CACNA1H: variants seen among roughly 807,000 people sequenced by gnomAD.
The protein encoded by CACNA1H is calcium voltage-gated channel subunit alpha1 H.
CACNA1H carries 149 observed loss-of-function variants against 192.5 expected under a neutral mutation model. The ratio of observed to expected loss-of-function variants is 0.77; its 90% CI spans 0.68 to 0.89. CACNA1H has a LOEUF of 0.89. Ranked by LOEUF, CACNA1H falls within the 40% of genes least tolerant of loss-of-function variation. The pLI is 0.00. For missense variants in CACNA1H, 4,257 were observed against 3,423.5 expected, an observed-to-expected ratio of 1.24 and a Z score of -6.08; for synonymous variants, 2,202 against 1,475.2, an observed-to-expected ratio of 1.49 and a Z score of -11.29.
rs1965316629 is a variant in CACNA1H, at chr16:1,180,083, G to T, written c.300-14889G>T. On this transcript the variant is annotated intron_variant, in intron 2 of 34. Transcript: ENST00000348261. This position sits in a 1 kb window ranked among gnomAD's most constrained non-coding sequence, Gnocchi z 4.4. Reference sequence around the variant, plus strand: ...CTGGTTGCCGGGTGATACTGAGGGGGCCGGGCTCTGCAGGCACAGGGCTGA... The same window carrying T: ...CTGGTTGCCGGGTGATACTGAGGGGTCCGGGCTCTGCAGGCACAGGGCTGA... Among the ~76,000 whole-genome samples the T allele has an allele frequency of 6.6e-6, 1 of 152,216 alleles. No individual in the cohort carries two copies. The highest frequency in any genetic ancestry group is 1.5e-5 in the Non-Finnish European group (1 of 68,044).
chr16:1,218,631 A>C lies in CACNA1H; in HGVS notation c.5867A>C (p.Tyr1956Ser). Residue 1956 changes from tyrosine (Y) to serine (S), a missense_variant, in exon 33 of 35, where the codon TAT becomes TCT. Coordinates refer to ENST00000348261, the MANE Select transcript of CACNA1H (RefSeq NM_021098.3). ...RPLQEVEMET[Y>S]GAGTPLGSVA... ...CTGCAGGAGGTGGAGATGGAGACCT[A>C]TGGGGCCGGCACCCCCTTGGGTATG... The C allele has an allele frequency of 6.5e-7, 1 of 1,531,772 alleles. No individual in the cohort carries two copies. The highest frequency in any genetic ancestry group is 8.8e-7 in the Non-Finnish European group (1 of 1,134,706). 94.9% of individuals were successfully genotyped at this position (1,531,772 alleles called of 1,614,324 possible).
At chr16:1,198,513 C>A in intron 5 of CACNA1H, 102 bp from the exon 6 acceptor site, 1 of 1,320,020 alleles carries the variant, frequency 7.6e-7, no homozygotes, top group Non-Finnish European at 1.1e-6. Flanking sequence ...TGGACACCCA[C>A]TGTGAACAGT....
chr16:1,164,388 A>G (rs138529345), intron 2 of CACNA1H, among the ~76,000 whole-genome samples: 1 of 152,102 alleles, frequency 6.6e-6, no homozygotes, highest in Non-Finnish European at 1.5e-5. Flanking sequence ...GGCTGAGTGC[A>G]GTGGTGCAGT....
intron 2 of CACNA1H, among the ~76,000 whole-genome samples, chr16:1,154,902 G>A (rs1962102929): frequency 6.6e-6 from 1 of 152,196 alleles, no homozygotes; most frequent in Non-Finnish European, 1.5e-5. Flanking sequence ...GGCCTTGCGT[G>A]GTGCCTGTGT....
Position 1,211,228 on chromosome 16 carries a change from G to A in CACNA1H, c.4284G>A (p.Arg1428=), listed in dbSNP as rs1969408516. Residue 1428 remains arginine, a synonymous_variant, in exon 22 of 35, where the codon AGG becomes AGA. Transcript: ENST00000348261. ...TGGAGACGCTGATATCATCACTCAG[G>A]CCCATTGGGAACATCGTCCTCATCT... ...LVVETLISSL[R]PIGNIVLICC... The A allele has an allele frequency of 6.2e-7, 1 of 1,613,070 alleles. No homozygotes were observed. The highest frequency in any genetic ancestry group is 8.5e-7 in the Non-Finnish European group (1 of 1,179,744).
rs1215964084 is a variant in CACNA1H at position 1,202,187 on chromosome 16, C to T, written c.1737C>T (p.Asp579=). The T allele has an allele frequency of 1.9e-6, 3 of 1,553,010 alleles. No homozygotes were observed. The highest frequency in any genetic ancestry group is 2.6e-6 in the Non-Finnish European group (3 of 1,149,178). ...CTGTGCACAGCATCTACCATGCCGA[C>T]TGCCACATAGAGGGGCCGCAGGAGA... ...AESVHSIYHA[D]CHIEGPQERA... The change falls in exon 9 of 35, where the codon GAC becomes GAT. Residue 579 remains aspartate, a synonymous_variant. Coordinates refer to ENST00000348261, the MANE Select transcript of CACNA1H (RefSeq NM_021098.3).
chr16:1,190,625 C>T (rs1435504354), intron 2 of CACNA1H, among the ~76,000 whole-genome samples: 1 of 152,260 alleles, frequency 6.6e-6, no homozygotes, highest in African/African-American at 2.4e-5. Flanking sequence ...CTGTCACGTC[C>T]TCTGTCGTGA....
In CACNA1H at chr16:1,210,673, G is replaced by A. The variant is rs368188558; in HGVS notation, c.4038+22G>A. 7,501 of 1,597,498 alleles carry A rather than the reference G, an allele frequency of 4.7e-3. 21 individuals carry two copies. The highest frequency in any genetic ancestry group is 5.4e-3 in the Non-Finnish European group (6,401 of 1,178,124). On this transcript the variant is annotated intron_variant, in intron 20 of 34. Coordinates refer to ENST00000348261, the MANE Select transcript of CACNA1H (RefSeq NM_021098.3). ...GAAGGTACCGCGGGGCCCGGGGACT[G>A]CCCTTGTTCCCAGGTCCCCGTTCTG...
intron 2 of CACNA1H, among the ~76,000 whole-genome samples, chr16:1,157,365 TGCTGAAGGACAGA>T (rs1962561826): frequency 6.6e-6 from 1 of 152,210 alleles, no homozygotes. Context: ...GTCATCGGGA[TGCTGAAGGACAGA>T]GCTGGGTGAG....
chr16:1,177,262 G>C (rs974165886), intron 2 of CACNA1H, among the ~76,000 whole-genome samples: 1 of 152,188 alleles, frequency 6.6e-6, no homozygotes, highest in Non-Finnish European at 1.5e-5. Flanking sequence ...TCCCAGGGCC[G>C]ATCCCCTCCA....
chr16:1,155,208 G>A (rs1962164472), intron 2 of CACNA1H, among the ~76,000 whole-genome samples: 1 of 152,232 alleles, frequency 6.6e-6, no homozygotes, highest in Non-Finnish European at 1.5e-5. Context: ...TGCTTGTAGA[G>A]GAAGAGGAGG....
intron 6 of CACNA1H, 54 bp from the exon 7 acceptor site, chr16:1,200,202 T>C: frequency 6.9e-7 from 1 of 1,451,482 alleles, no homozygotes; most frequent in Non-Finnish European, 9.4e-7. Context: ...CCCCCGACTC[T>C]GACCGTCCCT....
intron 6 of CACNA1H, chr16:1,199,020 A>G (rs1414285208): frequency 4.7e-6 from 2 of 428,168 alleles, no homozygotes; most frequent in South Asian, 4.8e-5. Context: ...CGCTGCACAT[A>G]TGCCCCACCC....
At position 1,209,423 on chromosome 16, in the gene CACNA1H, G is replaced by A. The variant is rs765196762; in HGVS notation, c.3744+11G>A. On this transcript the variant is annotated intron_variant, in intron 17 of 34. Coordinates refer to ENST00000348261, the MANE Select transcript of CACNA1H (RefSeq NM_021098.3). ...GACGACTCGGAGGACGTGAGTGCGT[G>A]GCCCTGGGCCCACCGCCGACTCGCC... 66 of 1,593,460 alleles carry A rather than the reference G, an allele frequency of 4.1e-5. No individual in the cohort carries two copies. Among genetic ancestry groups the A allele is most frequent in the Middle Eastern group, 1.6e-4 (1 of 6,066 alleles).
rs753977895 is a variant in CACNA1H at position 1,198,779 on chromosome 16, C to T, written c.803+5C>T. On this transcript the variant is annotated splice_donor_5th_base_variant and intron_variant, in intron 6 of 34. Transcript: ENST00000348261. ...CCTGGACAGTGCCTTTGTCAGGTGC[C>T]CAGGCCCCACCCCCGTGAGGCCCCT... The T allele has an allele frequency of 1.3e-5, 21 of 1,607,378 alleles. No individual in the cohort carries two copies. The South Asian group carries it at 2.1e-4, about 16-fold the overall frequency.
chr16:1,206,503 G>A, intron 12 of CACNA1H: 1 of 576,170 alleles, frequency 1.7e-6, no homozygotes, highest in Non-Finnish European at 3.1e-6. Flanking sequence ...CAGATGGCAG[G>A]GGTCAGAGAT....
In CACNA1H at chr16:1,203,411, C is replaced by G. The variant is rs189205201; in HGVS notation, c.2003-599C>G. Among the ~76,000 whole-genome samples the G allele has an allele frequency of 3.3e-3, 501 of 152,276 alleles. 3 individuals are homozygous for G. Among genetic ancestry groups the G allele is most frequent in the African/African-American group, 0.012 (481 of 41,550 alleles). On this transcript the variant is annotated intron_variant, in intron 9 of 34. Coordinates refer to ENST00000348261, the MANE Select transcript of CACNA1H (RefSeq NM_021098.3). ...GCTGCTGTTATATTTCTGTGGATGG[C>G]ACAGCCCAAGGCAGGCAAACGTCTC...
In CACNA1H at chr16:1,218,460, C is replaced by T. The variant is rs750475467; in HGVS notation, c.5696C>T (p.Pro1899Leu). The change falls in exon 33 of 35, where the codon CCT (proline) becomes CTT (leucine). Residue 1899 changes from proline to leucine, a missense_variant. Coordinates refer to ENST00000348261, the MANE Select transcript of CACNA1H (RefSeq NM_021098.3). ...GCACGCCGGGTGGACGCGGACAGGC[C>T]TCCCTTGCCCCAGGAGAGTCCGGGC... ...GSARRVDADRPPLPQESPGAR... is the reference protein window; with the variant it reads ...GSARRVDADRLPLPQESPGAR... The T allele has an allele frequency of 7.3e-5, 114 of 1,551,544 alleles. 5 individuals carry two copies. In the Admixed American group the frequency reaches 8.6e-4, roughly 12 times the overall value.
chr16:1,185,101 C>T (rs1354607846), intron 2 of CACNA1H, among the ~76,000 whole-genome samples: 1 of 152,238 alleles, frequency 6.6e-6, no homozygotes, highest in Non-Finnish European at 1.5e-5. Flanking sequence ...GCGGGACTTT[C>T]CGTGTGACAT....
Sources: gnomAD v4.1 joint callset for allele counts (sites outside exome capture counted in the v4.1 genomes callset) on GRCh38, gnomAD v4.1.1 for gene constraint, Gnocchi (gnomAD v3.1) non-coding constraint, MANE v1.5 for transcripts, NCBI Gene and HGNC (gene_info 2026-07-23, HGNC 2026-07-21) for gene names.